The following GALNT13 variants were observed in gnomAD, a reference collection of about 807,000 sequenced individuals.
GALNT13 encodes UDP-GalNAc:polypeptide N-acetylgalactosaminyltransferase 13.
GALNT13 carries 28 observed loss-of-function variants against 64.2 expected under a neutral mutation model. The observed-to-expected ratio is 0.44, with a 90% CI of 0.32 to 0.60. The LOEUF (loss-of-function observed/expected upper bound fraction) is 0.60. Ranked by LOEUF, GALNT13 falls within the 20% of genes least tolerant of loss-of-function variation. The pLI is 0.05. For missense variants in GALNT13, 577 were observed against 669.8 expected (o/e 0.86, Z 1.53); for synonymous variants, 214 against 224.6 (o/e 0.95, Z 0.42).
At chr2:153,208,973 C>CTTTTTTTTTTTTTTTTTTTTTT in the GALNT13 span, among the ~76,000 whole-genome samples, 9 of 74,684 alleles carry the variant, frequency 1.2e-4, 1 homozygote, top group Non-Finnish European at 2.1e-4. Context: ...TGGTTTTGGT[C>CTTTTTTTTTTTTTTTTTTTTTT]TTTTTTTTTT....
the GALNT13 span, among the ~76,000 whole-genome samples, chr2:153,623,475 C>T: frequency 1.3e-5 from 2 of 152,140 alleles, no homozygotes; most frequent in East Asian, 1.9e-4. Context: ...TTTGCAAGGA[C>T]AAGTGGAAAG....
At chr2:153,202,659 C>A in the GALNT13 span, among the ~76,000 whole-genome samples, 1 of 152,082 alleles carries the variant, frequency 6.6e-6, no homozygotes, top group Non-Finnish European at 1.5e-5. Flanking sequence ...TTCATTAATG[C>A]TATCATCAAG....
chr2:154,205,745 C>T (rs1467976480), intron 4 of GALNT13, among the ~76,000 whole-genome samples: 1 of 152,038 alleles, frequency 6.6e-6, no homozygotes, highest in African/African-American at 2.4e-5. Flanking sequence ...CATCAGATCT[C>T]GTGAGACTCA....
the GALNT13 span, among the ~76,000 whole-genome samples, chr2:153,680,048 T>C: frequency 6.6e-6 from 1 of 151,934 alleles, no homozygotes; most frequent in Non-Finnish European, 1.5e-5. Flanking sequence ...TTGTCACTTG[T>C]CCTTCTACCT....
the GALNT13 span, among the ~76,000 whole-genome samples, chr2:153,563,038 A>G: frequency 1.3e-5 from 2 of 152,060 alleles, no homozygotes; most frequent in African/African-American, 2.4e-5. Flanking sequence ...ATTACCTATT[A>G]TATCTATGTG....
the GALNT13 span, among the ~76,000 whole-genome samples, chr2:153,428,738 A>G: frequency 1.3e-5 from 2 of 152,184 alleles, no homozygotes; most frequent in Admixed American, 6.5e-5. Context: ...AGTAGCCATC[A>G]GTTGACAGCT....
At chr2:153,979,836 A>C (rs907431453) in intron 3 of GALNT13, among the ~76,000 whole-genome samples, 3 of 152,196 alleles carry the variant, frequency 2.0e-5, no homozygotes, top group Admixed American at 1.3e-4. Flanking sequence ...AAAATGTTTA[A>C]GCCTCGTCAA....
the GALNT13 span, among the ~76,000 whole-genome samples, chr2:153,640,310 G>A: frequency 6.6e-6 from 1 of 152,126 alleles, no homozygotes. Flanking sequence ...CTCCAAGTGT[G>A]GAGATCAGAG....
the GALNT13 span, among the ~76,000 whole-genome samples, chr2:153,839,645 T>A: frequency 1.3e-5 from 2 of 151,906 alleles, no homozygotes; most frequent in African/African-American, 2.4e-5. Context: ...GAAGTGGAAA[T>A]CCATATATTT....
intron 3 of GALNT13, among the ~76,000 whole-genome samples, chr2:153,962,838 T>C (rs560669368): frequency 3.9e-5 from 6 of 152,310 alleles, no homozygotes; most frequent in South Asian, 2.1e-4. Flanking sequence ...ATCTGGTTTT[T>C]GTGATTATTG....
intron 4 of GALNT13, among the ~76,000 whole-genome samples, chr2:154,202,466 C>T (rs946545678): frequency 3.3e-5 from 5 of 151,992 alleles, no homozygotes; most frequent in Admixed American, 6.6e-5. Flanking sequence ...GGACACTTTA[C>T]AGATTATGAT....
intron 3 of GALNT13, among the ~76,000 whole-genome samples, chr2:154,094,460 A>G (rs1473766932): frequency 6.6e-6 from 1 of 152,012 alleles, no homozygotes; most frequent in Non-Finnish European, 1.5e-5. Context: ...AATAAGAATT[A>G]TTTGCCAGAA....
the GALNT13 span, among the ~76,000 whole-genome samples, chr2:153,436,936 C>A: frequency 6.6e-6 from 1 of 152,076 alleles, no homozygotes; most frequent in African/African-American, 2.4e-5. Flanking sequence ...AATTTTGGAT[C>A]TTTCCTGCTT....
intron 3 of GALNT13, among the ~76,000 whole-genome samples, chr2:154,051,962 CA>C (rs1285293936): frequency 6.6e-6 from 1 of 152,080 alleles, no homozygotes. Flanking sequence ...TTAGAAAAAT[CA>C]AACATAGGGT....
chr2:153,960,021 G>A (rs1692833905), intron 3 of GALNT13, among the ~76,000 whole-genome samples: 1 of 152,208 alleles, frequency 6.6e-6, no homozygotes, highest in Non-Finnish European at 1.5e-5. Flanking sequence ...AGAGAGGCAG[G>A]TGTCACATGA....
chr2:153,257,302 T>A, the GALNT13 span, among the ~76,000 whole-genome samples: 3 of 152,114 alleles, frequency 2.0e-5, no homozygotes, highest in African/African-American at 7.2e-5. Flanking sequence ...TGCCTCGCCC[T>A]GCTTCGGCTC....
chr2:153,276,971 A>G, the GALNT13 span, among the ~76,000 whole-genome samples: 8 of 152,104 alleles, frequency 5.3e-5, no homozygotes, highest in Admixed American at 2.0e-4. Flanking sequence ...GTTTTTCCAG[A>G]CATGAATGTT....
the GALNT13 span, among the ~76,000 whole-genome samples, chr2:153,612,468 G>C: frequency 2.6e-5 from 4 of 152,114 alleles, no homozygotes; most frequent in African/African-American, 9.7e-5. Context: ...AGGAGAATTT[G>C]ATGGATTTGA....
intron 3 of GALNT13, among the ~76,000 whole-genome samples, chr2:154,135,412 G>A (rs756853346): frequency 1.2e-4 from 18 of 151,996 alleles, no homozygotes; most frequent in South Asian, 4.1e-4. Flanking sequence ...TGATGCAGCC[G>A]GGGCTTGCTA....
Sources: gnomAD v4.1 joint callset for allele counts (sites outside exome capture counted in the v4.1 genomes callset) on GRCh38, gnomAD v4.1.1 for gene constraint, MANE v1.5 for transcripts, NCBI Gene and HGNC (gene_info 2026-07-23, HGNC 2026-07-21) for gene names.